ITGA7: variants seen among roughly 807,000 people sequenced by gnomAD.
The protein encoded by ITGA7 is integrin alpha-7.
Under a neutral mutation model 131.6 loss-of-function variants are expected in ITGA7, and 84 were observed. The observed-to-expected ratio is 0.64, with a 90% confidence interval of 0.54 to 0.77. The LOEUF (loss-of-function observed/expected upper bound fraction) is 0.77. ITGA7 is among the 30% of genes least tolerant of loss of function. ITGA7 has a pLI of 0.00. For synonymous variants in ITGA7, 548 were observed against 600.7 expected (o/e 0.91, Z 1.28); for missense variants, 1,399 against 1,482.9 (o/e 0.94, Z 0.93).
chr12:55,700,641 C>T (rs950698302), intron 4 of ITGA7: 22 of 635,956 alleles, frequency 3.5e-5, no homozygotes, highest in Middle Eastern at 8.5e-4. Context: ...TGTGTTGGAG[C>T]ATGCAGGCCC....
Position 55,695,651 on chromosome 12 carries a change from T to C in ITGA7, c.1888-14A>G. ...CAGGAAGTGGATCTGGGGAGAGACA[T>C]GAGATAAGGGGCATTCCTAGGGGGC... On this transcript the variant is annotated splice_polypyrimidine_tract_variant and intron_variant, in intron 13 of 24. Transcript: ENST00000257879. 1 of 1,591,634 alleles carries C rather than the reference T, an allele frequency of 6.3e-7. No homozygotes were observed.
intron 24 of ITGA7, 74 bp from the exon 25 acceptor site, chr12:55,685,362 C>T (rs1869867720): frequency 1.5e-6 from 2 of 1,320,104 alleles, no homozygotes; most frequent in Non-Finnish European, 2.2e-6. Flanking sequence ...TAGCGCGGCA[C>T]AGCTCCTCAC....
rs1422886737 is a variant in ITGA7 at position 55,701,009 on chromosome 12, C to T, written c.560G>A (p.Arg187His). 2 of 1,614,210 alleles carry T rather than the reference C, an allele frequency of 1.2e-6. No individual in the cohort carries two copies. Among genetic ancestry groups the T allele is most frequent in the Non-Finnish European group, 1.7e-6 (2 of 1,180,032 alleles). ...DGGEWKFCEG[R>H]PQGHEQFGFC... Reference sequence around the variant, plus strand: ...CCCAAATTGTTCATGGCCTTGGGGGCGTCCCTCACAGAACTTCCATTCCCC... The same window carrying T: ...CCCAAATTGTTCATGGCCTTGGGGGTGTCCCTCACAGAACTTCCATTCCCC... Residue 187 changes from arginine to histidine, a missense_variant, in exon 4 of 25, where the codon CGC becomes CAC. Transcript: ENST00000257879.
In ITGA7 at chr12:55,699,987, AC is replaced by A; in HGVS notation, c.672del (p.Leu225CysfsTer4). Reference sequence around the variant, plus strand: ...CTATCAATGTTGGTCACAAAAAGCAACCCTGTGGGGGGTGGGGTGAGACACC... The same window carrying A: ...CTATCAATGTTGGTCACAAAAAGCAACCTGTGGGGGGTGGGGTGAGACACC... ...FGAPGTYNWK[G>X]LLFVTNIDSS... On this transcript the variant is annotated frameshift_variant and splice_region_variant, in exon 5 of 25. Transcript: ENST00000257879. LOFTEE classifies it high-confidence loss of function. The A allele has an allele frequency of 6.2e-7, 1 of 1,613,948 alleles. No individual in the cohort carries two copies. Among genetic ancestry groups the A allele is most frequent in the Non-Finnish European group, 8.5e-7 (1 of 1,179,996 alleles).
chr12:55,698,173 A>C, intron 7 of ITGA7, 147 bp from the exon 8 acceptor site: 1 of 880,800 alleles, frequency 1.1e-6, no homozygotes, highest in Non-Finnish European at 1.8e-6. Flanking sequence ...ATCATCTTTA[A>C]TCCTCTTGGC....
rs868550814 is a variant in ITGA7 at position 55,697,822 on chromosome 12, C to T, written c.1282G>A (p.Val428Met). 1.9e-6 allele frequency: 3 copies of T among 1,614,130 alleles called. No individual in the cohort carries two copies. Among genetic ancestry groups the T allele is most frequent in the African/African-American group, 2.7e-5 (2 of 75,024 alleles). The change falls in exon 9 of 25, where the codon GTG becomes ATG. Residue 428 changes from valine to methionine, a missense_variant and splice_region_variant. By Grantham distance (21) the Val-to-Met change is conservative. Transcript: ENST00000257879. ...SLGVVAKPSQ[V>M]LEGEAVGIKS... ...ATGCCCACAGCCTCGCCCTCCAGCA[C>T]CTAGAGAACCAGCTGTCAGCCTCCC...
At chr12:55,687,437 C>T (rs1870438866) in intron 24 of ITGA7, among the ~76,000 whole-genome samples, 1 of 150,726 alleles carries the variant, frequency 6.6e-6, no homozygotes, top group African/African-American at 2.4e-5. Flanking sequence ...GATCCACTCA[C>T]CTCAGCCTCC....
rs1872920089 is a variant in ITGA7 at position 55,697,556 on chromosome 12, G to C, written c.1410-10C>G. ...GAGGATGGGTCTGGCCCTGGGATTG[G>C]GGAGTCAAGAGCACAAGAAACATGA... is the stretch of plus-strand genomic sequence containing the variant. On this transcript the variant is annotated splice_polypyrimidine_tract_variant and intron_variant, in intron 9 of 24. Coordinates refer to ENST00000257879, the MANE Select transcript of ITGA7 (RefSeq NM_002206.3). 1 of 1,612,658 alleles carries C rather than the reference G, an allele frequency of 6.2e-7. No individual in the cohort carries two copies. The highest frequency in any genetic ancestry group is 1.1e-5 in the South Asian group (1 of 91,050).
Position 55,697,046 on chromosome 12 carries a change from C to A in ITGA7, c.1590G>T (p.Ala530=), listed in dbSNP as rs745575666. Residue 530 remains alanine (A), a synonymous_variant, in exon 12 of 25, where the codon GCG becomes GCT. Transcript: ENST00000257879. Reference sequence around the variant, plus strand: ...GGCCCCGGAGCCTCCGGTCTGTGTCCGCATCTAACACATAGTCCAGGGCTG... The same window carrying A: ...GGCCCCGGAGCCTCCGGTCTGTGTCAGCATCTAACACATAGTCCAGGGCTG... ...PTVALDYVLD[A]DTDRRLRGQV... The A allele has an allele frequency of 1.2e-6, 2 of 1,613,976 alleles. No individual in the cohort carries two copies. Among genetic ancestry groups the A allele is most frequent in the Non-Finnish European group, 1.7e-6 (2 of 1,179,962 alleles).
upstream of ITGA7, among the ~76,000 whole-genome samples, chr12:55,714,128 G>A (rs1211197715): frequency 1.3e-5 from 2 of 152,184 alleles, no homozygotes; most frequent in East Asian, 3.8e-4. Context: ...TGTAATCCCA[G>A]CACTTTGGGA....
upstream of ITGA7, among the ~76,000 whole-genome samples, chr12:55,714,406 T>C (rs1323201398): frequency 2.7e-5 from 4 of 150,350 alleles, no homozygotes; most frequent in African/African-American, 9.8e-5. Flanking sequence ...TAGTCCCAGC[T>C]ACTTGGGAGG....
intron 24 of ITGA7, 68 bp from the exon 25 acceptor site, chr12:55,685,356 G>A (rs978303400): frequency 1.9e-5 from 26 of 1,379,646 alleles, no homozygotes; most frequent in African/African-American, 1.3e-4. Context: ...GATGCCTAGC[G>A]CGGCACAGCT....
intron 10 of ITGA7, 49 bp from the exon 11 acceptor site, chr12:55,697,326 G>C (rs1277855030): frequency 3.2e-6 from 5 of 1,580,314 alleles, no homozygotes; most frequent in Non-Finnish European, 4.3e-6. Context: ...GATGGGCCAA[G>C]GCCCCTACCC....
rs1375169390 is a variant in ITGA7, at chr12:55,688,312, G to C, written c.2959-12C>G. On this transcript the variant is annotated splice_polypyrimidine_tract_variant and intron_variant, in intron 22 of 24. Transcript: ENST00000257879. ...ACAGCTGAGTACTCCTAAGGGAACA[G>C]GGAAGGAGACCCTTCTCCTAAATGC... The C allele has an allele frequency of 6.3e-7, 1 of 1,595,250 alleles. No individual in the cohort carries two copies. Among genetic ancestry groups the C allele is most frequent in the Non-Finnish European group, 8.6e-7 (1 of 1,163,264 alleles).
At position 55,703,192 on chromosome 12, in the gene ITGA7, CA is replaced by C. The variant is rs762313417; in HGVS notation, c.207-15del. The C allele has an allele frequency of 6.2e-7, 1 of 1,606,612 alleles. No homozygotes were observed. Among genetic ancestry groups the C allele is most frequent in the Non-Finnish European group, 8.5e-7 (1 of 1,179,774 alleles). ...CCCACCAGCAGCCTGCAAGATGGGGCAGGGGCAGGGACAGGGACAGGAGTTA... is the reference window on the plus strand; with the variant it reads ...CCCACCAGCAGCCTGCAAGATGGGGCGGGGCAGGGACAGGGACAGGAGTTA... On this transcript the variant is annotated splice_polypyrimidine_tract_variant and intron_variant, in intron 1 of 24. Coordinates refer to ENST00000257879, the MANE Select transcript of ITGA7 (RefSeq NM_002206.3).
intron 24 of ITGA7, chr12:55,686,424 A>G (rs916011509): frequency 1.0e-4 from 61 of 585,454 alleles, no homozygotes; most frequent in African/African-American, 8.2e-4. Flanking sequence ...GCAGGGAGCA[A>G]GCATCCTGGG....
chr12:55,687,425 G>A (rs1340753036), intron 24 of ITGA7, among the ~76,000 whole-genome samples: 1 of 150,668 alleles, frequency 6.6e-6, no homozygotes, highest in Non-Finnish European at 1.5e-5. Flanking sequence ...CTGACCTCAG[G>A]TGATCCACTC....
Position 55,698,369 on chromosome 12 carries a change from G to C in ITGA7, c.1192+14C>G, listed in dbSNP as rs370655786. Reference sequence around the variant, plus strand: ...GCCCCTCCCTCCCTGAGCCTTTCCAGTTCCCCGTCACACCTGGAAAGCCAT... The same window carrying C: ...GCCCCTCCCTCCCTGAGCCTTTCCACTTCCCCGTCACACCTGGAAAGCCAT... On this transcript the variant is annotated intron_variant, in intron 7 of 24. Coordinates refer to ENST00000257879, the MANE Select transcript of ITGA7 (RefSeq NM_002206.3). The C allele has an allele frequency of 9.4e-6, 15 of 1,601,842 alleles. No homozygotes were observed. Among genetic ancestry groups the C allele is most frequent in the Non-Finnish European group, 1.2e-5 (14 of 1,174,628 alleles).
At chr12:55,702,751 T>G in intron 3 of ITGA7, 121 bp downstream of exon 3, 1 of 830,808 alleles carries the variant, frequency 1.2e-6, no homozygotes, top group Non-Finnish European at 2.0e-6. Context: ...CCTGATGTAC[T>G]TGGAATCATA....
Sources: gnomAD v4.1 joint callset for allele counts (sites outside exome capture counted in the v4.1 genomes callset) on GRCh38, gnomAD v4.1.1 for gene constraint, MANE v1.5 for transcripts, NCBI Gene and HGNC (gene_info 2026-07-23, HGNC 2026-07-21) for gene names.